Variants in GLI2 observed in about 807,000 individuals in gnomAD.
The protein encoded by GLI2 is transcription activator GLI2.
In GLI2, 22 loss-of-function variants were observed where a neutral mutation model predicts 78.9. That is an observed-to-expected ratio of 0.28 (90% CI 0.20 to 0.40). The LOEUF (loss-of-function observed/expected upper bound fraction) is 0.40, where lower values mean the gene tolerates loss of function less well. GLI2 is among the 10% of genes least tolerant of loss of function. The probability of loss-of-function intolerance (pLI) is 1.00; values close to 1 mark genes in which losing one functional copy is unlikely to be tolerated. For missense variants in GLI2, 2,097 were observed against 2,213.2 expected (o/e 0.95, Z 1.05); for synonymous variants, 974 against 963.7 (o/e 1.01, Z -0.20).
rs571662720 is a variant in GLI2 at position 120,863,799 on chromosome 2, A to T, written c.149-63562A>T. Among the ~76,000 whole-genome samples the T allele has an allele frequency of 5.1e-4, 78 of 152,338 alleles. 2 individuals carry two copies. In the South Asian group the frequency reaches 0.016, roughly 31 times the overall value. The stretch of plus-strand genomic sequence containing the variant: ...AAAGGGTCTGATATGTCCTGGGAAC[A>T]GCACAGATAAGCTGAGTCACAGGAG... On this transcript the variant is annotated intron_variant, in intron 2 of 13. Coordinates refer to ENST00000361492, the MANE Select transcript of GLI2 (RefSeq NM_001374353.1).
chr2:120,760,553 G>A (rs937286676), intron 1 of GLI2, among the ~76,000 whole-genome samples: 1 of 152,132 alleles, frequency 6.6e-6, no homozygotes, highest in Non-Finnish European at 1.5e-5. Flanking sequence ...TGTTTCTGGG[G>A]AGGTGACCAC....
At chr2:120,968,373 G>A (rs1447655012) in intron 5 of GLI2, among the ~76,000 whole-genome samples, 3 of 152,056 alleles carry the variant, frequency 2.0e-5, no homozygotes, top group Non-Finnish European at 2.9e-5. Context: ...CTTATGATTC[G>A]TGCACACTCC....
intron 1 of GLI2, among the ~76,000 whole-genome samples, chr2:120,748,380 G>C (rs1220068624): frequency 6.6e-6 from 1 of 152,216 alleles, no homozygotes; most frequent in African/African-American, 2.4e-5. Context: ...AGTTTGGAAG[G>C]CTTCCTCAAA....
rs536740690 is a variant in GLI2 at position 120,927,602 on chromosome 2, G to A, written c.254+136G>A. 164 of 743,274 alleles carry A rather than the reference G, an allele frequency of 2.2e-4. No homozygotes were observed. In the Admixed American group the frequency reaches 2.8e-3, roughly 13 times the overall value. 46.0% of individuals were successfully genotyped at this position (743,274 alleles called of 1,614,324 possible). ...CTGATCTACATTGTCCTGAGCGGGC[G>A]ATCACCTTTGCTATCATGGCCTGGG... On this transcript the variant is annotated intron_variant, in intron 3 of 13. Coordinates refer to ENST00000361492, the MANE Select transcript of GLI2 (RefSeq NM_001374353.1).
Position 120,991,723 on chromosome 2 carries a change from A to G in GLI2, c.*1048A>G, listed in dbSNP as rs1355136574. 6.5e-6 allele frequency: 1 copy of G among 152,856 alleles called. No homozygotes were observed. Among genetic ancestry groups the G allele is most frequent in the Non-Finnish European group, 1.5e-5 (1 of 68,242 alleles). The allele number at this position is 152,856 out of a possible 1,614,324, so 9.5% of individuals were successfully genotyped here. A position where few individuals can be genotyped will look rare whatever the true frequency, so the allele number is the denominator to read the frequency against. ...GCAGCCCGGTCCCCCAGCACTCACC[A>G]GCAGCCCAGTGTTCTCCACCAAGCC... On this transcript the variant is annotated 3_prime_UTR_variant, in exon 14 of 14. Transcript: ENST00000361492.
At position 120,764,442 on chromosome 2, in the gene GLI2, AAG is replaced by A. The variant is rs1362179204; in HGVS notation, c.-31+28161_-31+28162del. Among the ~76,000 whole-genome samples, 300 of 152,382 alleles carry A rather than the reference AAG, an allele frequency of 2.0e-3. 3 individuals are homozygous for A. The highest frequency in any genetic ancestry group is 7.1e-3 in the African/African-American group (294 of 41,594). On this transcript the variant is annotated intron_variant, in intron 1 of 13. Coordinates refer to ENST00000361492, the MANE Select transcript of GLI2 (RefSeq NM_001374353.1). ...GTGAATGCTTTAATCTTTTAAAAAA[AAG>A]AGAACGGATTACTTCCAGGTTTGCC...
At chr2:120,755,841 C>T (rs1282967251) in intron 1 of GLI2, among the ~76,000 whole-genome samples, 4 of 151,966 alleles carry the variant, frequency 2.6e-5, no homozygotes, top group South Asian at 4.2e-4. Flanking sequence ...TTATTCTGTC[C>T]GCATCAACTT....
intron 2 of GLI2, among the ~76,000 whole-genome samples, chr2:120,886,750 G>T (rs551760920): frequency 6.6e-6 from 1 of 152,212 alleles, no homozygotes; most frequent in Non-Finnish European, 1.5e-5. Context: ...CTGCATGCTG[G>T]CCCCAAGCCG....
chr2:120,736,999 T>A (rs1682383853), intron 1 of GLI2, among the ~76,000 whole-genome samples: 3 of 151,914 alleles, frequency 2.0e-5, no homozygotes, highest in African/African-American at 7.3e-5. Context: ...CACCTCACTT[T>A]CATCCCTGCC....
intron 2 of GLI2, among the ~76,000 whole-genome samples, chr2:120,819,184 CACTTTAAAAGT>C (rs956527429): frequency 2.7e-5 from 4 of 150,762 alleles, no homozygotes; most frequent in African/African-American, 9.8e-5. Context: ...GTTTGTGTTG[CACTTTAAAAGT>C]ACTGATAGTA....
Position 120,990,795 on chromosome 2 carries a change from C to A in GLI2, c.*120C>A. 1.4e-6 allele frequency: 1 copy of A among 738,988 alleles called. No homozygotes were observed. Among genetic ancestry groups the A allele is most frequent in the Non-Finnish European group, 2.2e-6 (1 of 453,124 alleles). 45.8% of individuals were successfully genotyped at this position (738,988 alleles called of 1,614,324 possible). ...TAAATAGGCTTGAGGGGTTGTTGCGCAATGGCCGCTTCAGATGACAGATGT... is the reference window on the plus strand; with the variant it reads ...TAAATAGGCTTGAGGGGTTGTTGCGAAATGGCCGCTTCAGATGACAGATGT... On this transcript the variant is annotated 3_prime_UTR_variant, in exon 14 of 14. Transcript: ENST00000361492.
At chr2:120,839,351 A>G (rs879500426) in intron 2 of GLI2, among the ~76,000 whole-genome samples, 7 of 152,186 alleles carry the variant, frequency 4.6e-5, no homozygotes, top group Non-Finnish European at 7.3e-5. Flanking sequence ...TTACTAATTC[A>G]GTTTATTTAA....
At chr2:120,979,545 T>G (rs1682616849) in intron 10 of GLI2, among the ~76,000 whole-genome samples, 1 of 152,232 alleles carries the variant, frequency 6.6e-6, no homozygotes, top group Non-Finnish European at 1.5e-5. Flanking sequence ...CAGGATCCAA[T>G]GAAATATGCT....
At chr2:120,968,622 A>C in intron 5 of GLI2, 92 bp from the exon 6 acceptor site, 1 of 975,302 alleles carries the variant, frequency 1.0e-6, no homozygotes, top group Middle Eastern at 2.1e-4. Flanking sequence ...CCATTAGACC[A>C]TCCTTGCAGG....
In GLI2 at chr2:120,912,004, T is replaced by C. The variant is rs567529878; in HGVS notation, c.149-15357T>C. On this transcript the variant is annotated intron_variant, in intron 2 of 13. Coordinates refer to ENST00000361492, the MANE Select transcript of GLI2 (RefSeq NM_001374353.1). The stretch of plus-strand genomic sequence containing the variant: ...AATGGCAGGACCTGGGGACCACCTG[T>C]CAGTCACTCAGACCCTCCTCCTGGT... 1.9e-4 allele frequency among the ~76,000 whole-genome samples: 29 copies of C among 152,284 alleles called. 1 individual carries two copies. In the East Asian group the frequency reaches 5.4e-3, roughly 28 times the overall value.
chr2:120,963,929 G>A (rs369415759), intron 5 of GLI2, among the ~76,000 whole-genome samples: 161 of 152,354 alleles, frequency 1.1e-3, no homozygotes, highest in African/African-American at 3.4e-3. Context: ...TTAGGTGACT[G>A]TGAATCTGTT....
intron 2 of GLI2, among the ~76,000 whole-genome samples, chr2:120,865,896 C>T (rs1463210002): frequency 6.6e-6 from 1 of 152,176 alleles, no homozygotes; most frequent in Admixed American, 6.5e-5. Context: ...GGACCTGGCA[C>T]CCCCCCTGTT....
At chr2:120,939,340 A>T (rs973083504) in intron 3 of GLI2, among the ~76,000 whole-genome samples, 1 of 151,924 alleles carries the variant, frequency 6.6e-6, no homozygotes, top group Non-Finnish European at 1.5e-5. Flanking sequence ...TGACATATAC[A>T]CCCTTATCCC....
In GLI2 at chr2:120,968,879, G is replaced by T. The variant is rs1182974996; in HGVS notation, c.809G>T (p.Ser270Ile). Residue 270 changes from serine to isoleucine, a missense_variant, in exon 6 of 14, where the codon AGC becomes ATC. By Grantham distance (142) the Ser-to-Ile change is moderately radical. Around this residue, in one of 5 missense-constraint regions of GLI2, gnomAD observed 578 missense variants for 612.0 expected, o/e 0.94. Transcript: ENST00000361492. The stretch of plus-strand genomic sequence containing the variant: ...AACTCCCGAAGCAGCTCGGCGGCCA[G>T]CGGTTCCTACGGGCATCTGTCAGCG... ...INNSRSSSAASGSYGHLSAGA... is the reference protein window; with the variant it reads ...INNSRSSSAAIGSYGHLSAGA... 6.2e-7 allele frequency: 1 copy of T among 1,613,450 alleles called. No individual in the cohort carries two copies. The highest frequency in any genetic ancestry group is 1.7e-5 in the Admixed American group (1 of 60,010).
Sources: gnomAD v4.1 joint callset for allele counts (sites outside exome capture counted in the v4.1 genomes callset) on GRCh38, gnomAD v4.1.1 for gene constraint, gnomAD v4.1.1 regional missense constraint, MANE v1.5 for transcripts, NCBI Gene and HGNC (gene_info 2026-07-23, HGNC 2026-07-21) for gene names.